The following RAB28 variants were observed in gnomAD, a reference collection of about 807,000 sequenced individuals.
The protein encoded by RAB28 is ras-related protein Rab-28.
In RAB28, 24 loss-of-function variants were observed where a neutral mutation model predicts 31.7. The ratio of observed to expected loss-of-function variants is 0.76; its 90% CI spans 0.55 to 1.06. The LOEUF (loss-of-function observed/expected upper bound fraction) is 1.06. Ranked by LOEUF, RAB28 falls within the 50% of genes least tolerant of loss-of-function variation. RAB28 has a pLI of 0.00. For synonymous variants in RAB28, 100 were observed against 90.4 expected, an observed-to-expected ratio of 1.11 and a Z score of -0.60; for missense variants, 254 against 258.5, an observed-to-expected ratio of 0.98 and a Z score of 0.12.
intron 2 of RAB28, among the ~76,000 whole-genome samples, chr4:13,479,179 T>C (rs1212953205): frequency 6.6e-6 from 1 of 151,732 alleles, no homozygotes; most frequent in Non-Finnish European, 1.5e-5. Flanking sequence ...CAACCATTGT[T>C]TATCCTCAAA....
At chr4:13,466,499 C>T (rs1273841963) in intron 3 of RAB28, among the ~76,000 whole-genome samples, 1 of 151,752 alleles carries the variant, frequency 6.6e-6, no homozygotes, top group East Asian at 1.9e-4. Flanking sequence ...ATAAATTACC[C>T]TCTTATACCT....
rs557800921 is a variant in RAB28 at position 13,444,819 on chromosome 4, AT to A, written c.391+15879del. On this transcript the variant is annotated intron_variant, in intron 4 of 6. Coordinates refer to ENST00000330852, the MANE Select transcript of RAB28 (RefSeq NM_001017979.3). ...GGTCATCCAATCCCAGTGGCTCTAAATATATTCCCCAACTTTTATCTCTAGA... is the reference window on the plus strand; with the variant it reads ...GGTCATCCAATCCCAGTGGCTCTAAAATATTCCCCAACTTTTATCTCTAGA... 1.1e-4 allele frequency among the ~76,000 whole-genome samples: 16 copies of A among 152,096 alleles called. 1 individual carries two copies. The East Asian group carries it at 3.1e-3, about 30-fold the overall frequency.
At chr4:13,380,680 A>G (rs1321970074) in intron 5 of RAB28, among the ~76,000 whole-genome samples, 1 of 152,152 alleles carries the variant, frequency 6.6e-6, no homozygotes, top group Non-Finnish European at 1.5e-5. Context: ...TGCTGGTGAT[A>G]GCATGAATTT....
chr4:13,473,777 G>C, intron 3 of RAB28: 1 of 311,480 alleles, frequency 3.2e-6, no homozygotes, highest in Non-Finnish European at 6.4e-6. Flanking sequence ...ATTTTCTTCT[G>C]AAAATACAGC....
chr4:13,437,120 C>T (rs2108937104), intron 4 of RAB28, among the ~76,000 whole-genome samples: 1 of 152,156 alleles, frequency 6.6e-6, no homozygotes, highest in Middle Eastern at 3.4e-3. Flanking sequence ...AAAGGATATC[C>T]TACTCAACAA....
intron 4 of RAB28, among the ~76,000 whole-genome samples, chr4:13,415,108 T>C (rs1405946102): frequency 6.6e-6 from 1 of 152,226 alleles, no homozygotes; most frequent in Non-Finnish European, 1.5e-5. Flanking sequence ...AGAAGAATCA[T>C]CATTAATTGC....
intron 4 of RAB28, among the ~76,000 whole-genome samples, chr4:13,385,036 C>A (rs1020524535): frequency 6.6e-6 from 1 of 152,182 alleles, no homozygotes; most frequent in Non-Finnish European, 1.5e-5. Context: ...CTGAAAAATA[C>A]ACTACAGTAA....
At chr4:13,465,000 A>G (rs1015699775) in intron 3 of RAB28, among the ~76,000 whole-genome samples, 3 of 152,084 alleles carry the variant, frequency 2.0e-5, no homozygotes, top group South Asian at 2.1e-4. Context: ...CAAAAACACT[A>G]TAACAGAAAT....
chr4:13,370,773 T>C (rs1728685221), intron 6 of RAB28: 3 of 983,878 alleles, frequency 3.0e-6, no homozygotes, highest in South Asian at 4.7e-5. Context: ...TTGCAGGTCA[T>C]GTAAAAAAAA....
chr4:13,385,605 A>G (rs541038536), intron 4 of RAB28, among the ~76,000 whole-genome samples: 1 of 152,308 alleles, frequency 6.6e-6, no homozygotes, highest in South Asian at 2.1e-4. Flanking sequence ...CAAAAAAGAA[A>G]TAAGATCCTT....
chr4:13,397,912 T>C (rs1044257815), intron 4 of RAB28, among the ~76,000 whole-genome samples: 13 of 152,052 alleles, frequency 8.5e-5, no homozygotes, highest in Non-Finnish European at 1.8e-4. Context: ...AACCAACCTA[T>C]AAGGATTCTA....
chr4:13,469,458 A>C (rs994232538), intron 3 of RAB28, among the ~76,000 whole-genome samples: 3 of 152,026 alleles, frequency 2.0e-5, no homozygotes, highest in Non-Finnish European at 2.9e-5. Context: ...TTCAAGTTTA[A>C]TAAATCCCTC....
chr4:13,399,944 C>G (rs543068586), intron 4 of RAB28, among the ~76,000 whole-genome samples: 11 of 151,994 alleles, frequency 7.2e-5, no homozygotes, highest in African/African-American at 9.7e-5. Context: ...TTTAAGAAAC[C>G]CTTCCACATT....
At chr4:13,476,849 G>C (rs1716383749) in intron 2 of RAB28, among the ~76,000 whole-genome samples, 1 of 151,448 alleles carries the variant, frequency 6.6e-6, no homozygotes, top group Non-Finnish European at 1.5e-5. Flanking sequence ...CTGTTCCTCT[G>C]TAAGAAATGA....
intron 3 of RAB28, among the ~76,000 whole-genome samples, chr4:13,469,475 A>T (rs1463940252): frequency 6.6e-6 from 1 of 151,948 alleles, no homozygotes; most frequent in Non-Finnish European, 1.5e-5. Context: ...CCTCTTCAAC[A>T]ATAGTTTCCT....
intron 6 of RAB28, among the ~76,000 whole-genome samples, chr4:13,373,957 GTA>G (rs1373492670): frequency 4.0e-5 from 6 of 150,728 alleles, no homozygotes; most frequent in African/African-American, 7.3e-5. Flanking sequence ...ATGTATGTAT[GTA>G]TGTGTGTGTG....
At chr4:13,371,834 T>A (rs958482407) in intron 6 of RAB28, 1 of 1,547,302 alleles carries the variant, frequency 6.5e-7, no homozygotes, top group Admixed American at 2.0e-5. Context: ...GATTATTCTC[T>A]ATTAGTTGAT....
At chr4:13,418,511 G>A (rs944177212) in intron 4 of RAB28, among the ~76,000 whole-genome samples, 1 of 152,076 alleles carries the variant, frequency 6.6e-6, no homozygotes, top group Non-Finnish European at 1.5e-5. Context: ...GAGAAAAGTC[G>A]GGTTACTCAC....
chr4:13,482,671 GAA>G (rs1289890346), intron 1 of RAB28, among the ~76,000 whole-genome samples: 2 of 152,092 alleles, frequency 1.3e-5, no homozygotes, highest in African/African-American at 4.8e-5. Context: ...ACTTTATAAA[GAA>G]AAGTTACCCC....
Sources: allele counts gnomAD v4.1 joint callset (sites outside exome capture counted in the v4.1 genomes callset), GRCh38; gene constraint gnomAD v4.1.1; transcripts MANE v1.5; gene names NCBI Gene and HGNC (gene_info 2026-07-23, HGNC 2026-07-21).